MICAL3: variants seen among roughly 807,000 people sequenced by gnomAD.
MICAL3 encodes [F-actin]-monooxygenase MICAL3.
In MICAL3, 62 loss-of-function variants were observed where a neutral mutation model predicts 207.4. The observed-to-expected ratio is 0.30, with a 90% CI of 0.24 to 0.37. The LOEUF (loss-of-function observed/expected upper bound fraction) is 0.37. MICAL3 is among the 10% of genes least tolerant of loss of function. MICAL3 has a pLI of 1.00. For missense variants in MICAL3, 2,368 were observed against 2,635.6 expected (o/e 0.90, Z 2.22); for synonymous variants, 1,077 against 1,069.3 (o/e 1.01, Z -0.14).
chr22:17,972,302 G>A (rs974745790), intron 1 of MICAL3, among the ~76,000 whole-genome samples: 7 of 152,180 alleles, frequency 4.6e-5, no homozygotes, highest in African/African-American at 1.7e-4. Context: ...CAGATGAAAT[G>A]TTCAAGTCAC....
chr22:17,891,292 C>A (rs1042567067), intron 12 of MICAL3, among the ~76,000 whole-genome samples, 193 bp downstream of exon 12: 2 of 152,024 alleles, frequency 1.3e-5, no homozygotes, highest in Non-Finnish European at 2.9e-5. Context: ...AAATAAAAAT[C>A]ATTCCTGGGT....
At chr22:17,811,845 C>T (rs903539224) in intron 27 of MICAL3, among the ~76,000 whole-genome samples, 2 of 152,198 alleles carry the variant, frequency 1.3e-5, no homozygotes, top group Non-Finnish European at 2.9e-5. Context: ...CCTGGACTCA[C>T]GTGATCCTCC....
chr22:17,821,719 C>G (rs543548068), intron 24 of MICAL3, among the ~76,000 whole-genome samples: 1 of 152,204 alleles, frequency 6.6e-6, no homozygotes, highest in Admixed American at 6.5e-5. Context: ...TGCAGGTGCT[C>G]CTGTCAACAC....
Position 17,945,560 on chromosome 22 carries a change from A to G in MICAL3, c.-74-38674T>C, listed in dbSNP as rs1378614926. The stretch of plus-strand genomic sequence containing the variant: ...CCCCAAGTAAAACAGCAGGATTCAC[A>G]TGAGGACCTGGGTTCTTCTCCCTGA... On this transcript the variant is annotated intron_variant, in intron 1 of 31. Transcript: ENST00000441493. Among the ~76,000 whole-genome samples the G allele has an allele frequency of 2.0e-5, 3 of 152,324 alleles. No individual in the cohort carries two copies. In the East Asian group the frequency reaches 5.8e-4, roughly 29 times the overall value.
intron 19 of MICAL3, 156 bp from the exon 20 acceptor site, chr22:17,842,173 C>G: frequency 1.5e-6 from 1 of 678,366 alleles, no homozygotes; most frequent in Non-Finnish European, 2.5e-6. Flanking sequence ...GAGAAGGACC[C>G]TGGCATGTGA....
intron 1 of MICAL3, among the ~76,000 whole-genome samples, chr22:17,907,519 G>A (rs999084130): frequency 6.6e-6 from 1 of 152,178 alleles, no homozygotes; most frequent in African/African-American, 2.4e-5. Flanking sequence ...CCGGGAAGTC[G>A]GTACAAATGT....
chr22:17,895,191 G>T, intron 10 of MICAL3, 93 bp downstream of exon 10: 2 of 1,283,150 alleles, frequency 1.6e-6, no homozygotes, highest in Non-Finnish European at 2.2e-6. Flanking sequence ...CCTTGTATGT[G>T]TGGTATTAAT....
chr22:17,827,302 A>G (rs5992870), intron 22 of MICAL3, among the ~76,000 whole-genome samples: 56,113 of 151,970 alleles, frequency 0.37, 10,762 homozygotes, highest in Non-Finnish European at 0.41. Context: ...GACACACTCT[A>G]AGAAAAGTAC....
intron 29 of MICAL3, among the ~76,000 whole-genome samples, chr22:17,798,071 A>C (rs1184857757): frequency 6.6e-6 from 1 of 152,262 alleles, no homozygotes; most frequent in Non-Finnish European, 1.5e-5. Flanking sequence ...CCAGCCTGGA[A>C]TGCTGCATTT....
At chr22:17,842,754 T>C (rs1924173229) in intron 19 of MICAL3, among the ~76,000 whole-genome samples, 1 of 152,202 alleles carries the variant, frequency 6.6e-6, no homozygotes, top group African/African-American at 2.4e-5. Flanking sequence ...TTTCACCCTG[T>C]GGTTTCAGCA....
intron 27 of MICAL3, chr22:17,814,006 A>G (rs145713182): frequency 1.3e-5 from 2 of 152,358 alleles, no homozygotes; most frequent in African/African-American, 4.8e-5. Context: ...TTAAATAAAA[A>G]ATAAGTATTT....
At position 17,851,688 on chromosome 22, in the gene MICAL3, C is replaced by T. The variant is rs191750610; in HGVS notation, c.2606-9671G>A. Among the ~76,000 whole-genome samples, 160 of 152,288 alleles carry T rather than the reference C, an allele frequency of 1.1e-3. 1 individual carries two copies. The highest frequency in any genetic ancestry group is 9.2e-3 in the Admixed American group (141 of 15,302). On this transcript the variant is annotated intron_variant, in intron 19 of 31. Coordinates refer to ENST00000441493, the MANE Select transcript of MICAL3 (RefSeq NM_015241.3). ...GCAGTTCCCCAAGAACAAATGGGAA[C>T]GGCCGCCTCATGAAAAGGGCAAGTC...
intron 1 of MICAL3, among the ~76,000 whole-genome samples, chr22:17,909,578 T>C (rs527704835): frequency 7.2e-5 from 11 of 152,240 alleles, no homozygotes; most frequent in South Asian, 6.2e-4. Flanking sequence ...CTTCTCTCAA[T>C]AGCCACATGG....
At chr22:17,877,521 AGGGAGG>A (rs1928924185) in intron 16 of MICAL3, among the ~76,000 whole-genome samples, 14 of 134,170 alleles carry the variant, frequency 1.0e-4, no homozygotes, top group Admixed American at 3.6e-4. Context: ...TAGGGAGGTT[AGGGAGG>A]TGAGGGAGGT....
intron 1 of MICAL3, among the ~76,000 whole-genome samples, chr22:17,946,411 C>A (rs1362541558): frequency 6.6e-6 from 1 of 152,240 alleles, no homozygotes; most frequent in Admixed American, 6.5e-5. Context: ...GTATTCACTG[C>A]ACACACACGG....
intron 1 of MICAL3, among the ~76,000 whole-genome samples, chr22:17,924,017 C>T (rs559568963): frequency 2.1e-4 from 32 of 152,230 alleles, no homozygotes; most frequent in South Asian, 8.3e-4. Flanking sequence ...AAGTGCAGCA[C>T]GAAGAGGGAG....
intron 28 of MICAL3, among the ~76,000 whole-genome samples, chr22:17,810,244 A>C (rs991333034): frequency 6.6e-6 from 1 of 151,530 alleles, no homozygotes; most frequent in Non-Finnish European, 1.5e-5. Flanking sequence ...TTGTATTTTT[A>C]GTAGAGACGG....
chr22:17,842,124 G>A, intron 19 of MICAL3, 107 bp from the exon 20 acceptor site: 1 of 1,099,338 alleles, frequency 9.1e-7, no homozygotes, highest in Non-Finnish European at 1.3e-6. Context: ...ATGTGGGGCA[G>A]GACAAAGGTC....
chr22:17,861,004 T>C (rs1257512852), intron 19 of MICAL3: 2 of 985,206 alleles, frequency 2.0e-6, no homozygotes, highest in Admixed American at 1.2e-4. Flanking sequence ...TACAAACGTG[T>C]ACCTATATAT....
Sources: gnomAD v4.1 joint callset for allele counts (sites outside exome capture counted in the v4.1 genomes callset) on GRCh38, gnomAD v4.1.1 for gene constraint, MANE v1.5 for transcripts, NCBI Gene and HGNC (gene_info 2026-07-23, HGNC 2026-07-21) for gene names.